Variants in PHLDB2 observed in about 807,000 individuals in gnomAD.
PHLDB2 encodes the protein pleckstrin homology-like domain family B member 2.
PHLDB2 carries 71 observed loss-of-function variants against 123.6 expected under a neutral mutation model. The ratio of observed to expected loss-of-function variants is 0.57; its 90% CI spans 0.47 to 0.70. PHLDB2 has a LOEUF of 0.70. PHLDB2 is among the 30% of genes least tolerant of loss of function. The probability of loss-of-function intolerance (pLI) is 0.00; values close to 1 mark genes in which losing one functional copy is unlikely to be tolerated. For missense variants in PHLDB2, 1,446 were observed against 1,519.5 expected, an observed-to-expected ratio of 0.95 and a Z score of 0.80; for synonymous variants, 547 against 541.6, an observed-to-expected ratio of 1.01 and a Z score of -0.14.
chr3:111,831,049 G>A (rs2063007910), intron 1 of PHLDB2, among the ~76,000 whole-genome samples: 1 of 142,838 alleles, frequency 7.0e-6, no homozygotes, highest in Non-Finnish European at 1.6e-5. Flanking sequence ...AAGGAAGAAA[G>A]AGAAAAGAGA....
rs912890335 is a variant in PHLDB2, at chr3:111,861,275, A to G, written c.-15+1699A>G. On this transcript the variant is annotated intron_variant, in intron 1 of 17. Coordinates refer to ENST00000431670, the MANE Select transcript of PHLDB2 (RefSeq NM_001134438.2). Reference sequence around the variant, plus strand: ...TCTTTGAAAAGTAACAGTTCTGTCTATTCTTGGCTCCCCTTTCATATCCTC... The same window carrying G: ...TCTTTGAAAAGTAACAGTTCTGTCTGTTCTTGGCTCCCCTTTCATATCCTC... Among the ~76,000 whole-genome samples, 9 of 152,248 alleles carry G rather than the reference A, an allele frequency of 5.9e-5. No individual in the cohort carries two copies. In the South Asian group the frequency reaches 1.2e-3, roughly 21 times the overall value.
Position 111,774,987 on chromosome 3 carries a change from G to A in PHLDB2, c.-49+42284G>A, listed in dbSNP as rs112761436. ...AGTGAGTTGGAGAAACAAGGGAACC[G>A]AATTAAGATTTATATTTAATAGCAC... On this transcript the variant is annotated intron_variant, in intron 1 of 17. Transcript: ENST00000393923. Among the ~76,000 whole-genome samples, 1,412 of 152,136 alleles carry A rather than the reference G, an allele frequency of 9.3e-3. 15 individuals are homozygous for A. The highest frequency in any genetic ancestry group is 0.031 in the African/African-American group (1,290 of 41,466).
intron 1 of PHLDB2, among the ~76,000 whole-genome samples, chr3:111,737,259 C>G (rs1050526515): frequency 2.0e-5 from 3 of 152,156 alleles, no homozygotes; most frequent in Non-Finnish European, 2.9e-5. Context: ...GGGAATTGCC[C>G]CTGGCTGGCT....
intron 2 of PHLDB2, among the ~76,000 whole-genome samples, chr3:111,851,505 T>C (rs2064254927): frequency 6.6e-6 from 1 of 152,162 alleles, no homozygotes; most frequent in African/African-American, 2.4e-5. Flanking sequence ...ATATCTTAAT[T>C]GTGGCCCTAA....
At chr3:111,900,900 C>CTT (rs140477832) in intron 2 of PHLDB2, among the ~76,000 whole-genome samples, 161 of 151,100 alleles carry the variant, frequency 1.1e-3, no homozygotes, top group African/African-American at 3.4e-3. Flanking sequence ...GTTTGTTTTG[C>CTT]TTTTTTTTTC....
chr3:111,803,981 CT>C (rs2061477116), intron 1 of PHLDB2, among the ~76,000 whole-genome samples: 1 of 150,512 alleles, frequency 6.6e-6, no homozygotes, highest in Non-Finnish European at 1.5e-5. Flanking sequence ...TGATTAGTCC[CT>C]TTAAACTCTT....
chr3:111,792,986 C>T (rs2060991658), intron 1 of PHLDB2, among the ~76,000 whole-genome samples: 1 of 152,174 alleles, frequency 6.6e-6, no homozygotes, highest in African/African-American at 2.4e-5. Context: ...CTGATTCAGA[C>T]CCAAAGCTAG....
intron 1 of PHLDB2, among the ~76,000 whole-genome samples, chr3:111,865,812 G>T (rs755319292): frequency 1.3e-5 from 2 of 151,508 alleles, no homozygotes; most frequent in Non-Finnish European, 1.5e-5. Context: ...ATTAAACTTA[G>T]TCAATTGTTT....
intron 1 of PHLDB2, among the ~76,000 whole-genome samples, chr3:111,840,291 A>T (rs1368004743): frequency 6.6e-6 from 1 of 152,114 alleles, no homozygotes; most frequent in Non-Finnish European, 1.5e-5. Flanking sequence ...AAAGAATTTT[A>T]AAAAGCCTTT....
At chr3:111,902,846 C>G (rs2067275870) in intron 2 of PHLDB2, among the ~76,000 whole-genome samples, 1 of 152,136 alleles carries the variant, frequency 6.6e-6, no homozygotes, top group African/African-American at 2.4e-5. Flanking sequence ...ACCATGTTGC[C>G]CAGGCTAGTC....
intron 2 of PHLDB2, among the ~76,000 whole-genome samples, chr3:111,893,877 CTTT>C (rs67860610): frequency 3.7e-5 from 5 of 135,632 alleles, no homozygotes; most frequent in African/African-American, 5.4e-5. Context: ...AGCACTATTT[CTTT>C]TTTTTTTTTT....
chr3:111,811,054 T>A (rs998731781), intron 1 of PHLDB2, among the ~76,000 whole-genome samples: 2 of 152,144 alleles, frequency 1.3e-5, no homozygotes, highest in African/African-American at 2.4e-5. Context: ...AACAGGATAA[T>A]CTGTAAGCAG....
At chr3:111,856,622 T>C (rs2064521707), upstream of PHLDB2, among the ~76,000 whole-genome samples, 1 of 152,254 alleles carries the variant, frequency 6.6e-6, no homozygotes, top group Non-Finnish European at 1.5e-5. Flanking sequence ...TCCTTAGACC[T>C]GAAGGGAGAA....
intron 2 of PHLDB2, among the ~76,000 whole-genome samples, chr3:111,896,756 C>CAAA (rs71625223): frequency 1.1e-3 from 141 of 130,076 alleles, no homozygotes; most frequent in African/African-American, 3.7e-3. Flanking sequence ...ATTGATTTTT[C>CAAA]AAAAAAAAAA....
chr3:111,867,285 A>T (rs1410534745), intron 1 of PHLDB2, among the ~76,000 whole-genome samples: 1 of 152,166 alleles, frequency 6.6e-6, no homozygotes, highest in Non-Finnish European at 1.5e-5. Flanking sequence ...TTCTTTGTAA[A>T]GTCAGCTACT....
intron 1 of PHLDB2, among the ~76,000 whole-genome samples, chr3:111,772,507 G>C (rs928678406): frequency 2.0e-5 from 3 of 152,132 alleles, no homozygotes; most frequent in South Asian, 2.1e-4. Flanking sequence ...AAAGCTGGAG[G>C]GCTTTTTAAA....
intron 1 of PHLDB2, among the ~76,000 whole-genome samples, chr3:111,839,665 TA>T (rs1280597437): frequency 6.6e-6 from 1 of 152,170 alleles, no homozygotes; most frequent in Non-Finnish European, 1.5e-5. Context: ...TTTTCTTTTT[TA>T]ATTGTGTTGG....
chr3:111,943,129 C>G (rs952514776), intron 8 of PHLDB2, among the ~76,000 whole-genome samples: 10 of 152,102 alleles, frequency 6.6e-5, no homozygotes, highest in African/African-American at 2.2e-4. Context: ...GATTTGTACT[C>G]TTATTTCAAG....
chr3:111,906,754 T>A (rs2067563698), intron 2 of PHLDB2, among the ~76,000 whole-genome samples: 1 of 152,218 alleles, frequency 6.6e-6, no homozygotes, highest in African/African-American at 2.4e-5. Context: ...CAAATGTTGG[T>A]CAGTTAGTGG....
Sources: gnomAD v4.1 joint callset for allele counts (sites outside exome capture counted in the v4.1 genomes callset) on GRCh38, gnomAD v4.1.1 for gene constraint, MANE v1.5 for transcripts, NCBI Gene and HGNC (gene_info 2026-07-23, HGNC 2026-07-21) for gene names.